The following PDE4B variants were observed in gnomAD, a reference collection of about 807,000 sequenced individuals.
PDE4B encodes 3',5'-cyclic-AMP phosphodiesterase 4B.
A neutral mutation model predicts 82.2 loss-of-function variants in PDE4B; 20 were observed. That is an observed-to-expected ratio of 0.24 (90% CI 0.17 to 0.35). The LOEUF is 0.35. Ranked by LOEUF, PDE4B falls within the 10% of genes least tolerant of loss-of-function variation. The probability of loss-of-function intolerance (pLI) is 1.00; values close to 1 mark genes in which losing one functional copy is unlikely to be tolerated. For synonymous variants in PDE4B, 320 were observed against 318.9 expected, an observed-to-expected ratio of 1.00 and a Z score of -0.04; for missense variants, 655 against 907.2, an observed-to-expected ratio of 0.72 and a Z score of 3.57.
intron 1 of PDE4B, among the ~76,000 whole-genome samples, chr1:65,893,959 A>T (rs970152492): frequency 6.6e-6 from 1 of 152,098 alleles, no homozygotes; most frequent in Admixed American, 6.6e-5. Context: ...ACACAAAGGC[A>T]TAAGAGTGAT....
chr1:65,940,345 A>G (rs1258116602), intron 3 of PDE4B, among the ~76,000 whole-genome samples: 1 of 152,058 alleles, frequency 6.6e-6, no homozygotes, highest in South Asian at 2.1e-4. Flanking sequence ...TTGTAGAGGG[A>G]GGGAGCAATT....
At chr1:66,148,824 A>G (rs1056797144) in intron 3 of PDE4B, among the ~76,000 whole-genome samples, 3 of 152,212 alleles carry the variant, frequency 2.0e-5, no homozygotes, top group Non-Finnish European at 4.4e-5. Context: ...TTCATGTAGC[A>G]TGTACCTGTA....
intron 3 of PDE4B, among the ~76,000 whole-genome samples, chr1:65,988,593 T>C (rs1651074013): frequency 6.6e-6 from 1 of 151,840 alleles, no homozygotes; most frequent in Non-Finnish European, 1.5e-5. Context: ...ATAATTCAAT[T>C]TTATTAATAT....
intron 1 of PDE4B, among the ~76,000 whole-genome samples, chr1:65,796,496 C>T: frequency 6.6e-6 from 1 of 151,908 alleles, no homozygotes; most frequent in Non-Finnish European, 1.5e-5. Flanking sequence ...TCTGTCTTCT[C>T]TACTACAGAG....
At chr1:66,065,111 A>G (rs997360126) in intron 3 of PDE4B, among the ~76,000 whole-genome samples, 1 of 151,976 alleles carries the variant, frequency 6.6e-6, no homozygotes, top group Non-Finnish European at 1.5e-5. Context: ...GCTTAGAGGT[A>G]GATTTATAAA....
intron 1 of PDE4B, among the ~76,000 whole-genome samples, chr1:65,890,186 A>C (rs1158367866): frequency 6.7e-6 from 1 of 149,254 alleles, no homozygotes; most frequent in East Asian, 1.9e-4. Flanking sequence ...TGCTTATTTT[A>C]AAGTTTTAGG....
At chr1:66,009,303 G>T (rs1359460923) in intron 3 of PDE4B, among the ~76,000 whole-genome samples, 1 of 152,162 alleles carries the variant, frequency 6.6e-6, no homozygotes, top group African/African-American at 2.4e-5. Flanking sequence ...ATCACCAGCT[G>T]TCGCTGTTCT....
chr1:66,319,531 A>C (rs1171640942), intron 7 of PDE4B, among the ~76,000 whole-genome samples: 1 of 152,246 alleles, frequency 6.6e-6, no homozygotes, highest in Non-Finnish European at 1.5e-5. Context: ...TTCTGCTACC[A>C]GAGCAATAGC....
rs568355705 is a variant in PDE4B at position 65,858,378 on chromosome 1, A to G, written c.-70-54867A>G. Among the ~76,000 whole-genome samples the G allele has an allele frequency of 2.0e-5, 3 of 152,322 alleles. No individual in the cohort carries two copies. The East Asian group carries it at 5.8e-4, about 29-fold the overall frequency. On this transcript the variant is annotated intron_variant, in intron 1 of 16. Transcript: ENST00000341517. Reference sequence around the variant, plus strand: ...TCTGTAGTTCTAATACTACCATTGTACATACCTGATTTATAATCTTTTTTA... The same window carrying G: ...TCTGTAGTTCTAATACTACCATTGTGCATACCTGATTTATAATCTTTTTTA...
intron 3 of PDE4B, among the ~76,000 whole-genome samples, chr1:66,147,892 C>T (rs1016922694): frequency 1.6e-4 from 24 of 152,144 alleles, no homozygotes; most frequent in African/African-American, 4.8e-4. Flanking sequence ...TAAACCCTAC[C>T]AAGTCTTGCA....
chr1:65,820,406 A>G (rs931908541), intron 1 of PDE4B, among the ~76,000 whole-genome samples: 2 of 152,218 alleles, frequency 1.3e-5, no homozygotes, highest in Non-Finnish European at 2.9e-5. Flanking sequence ...ATCTTGTTTT[A>G]TGGTTAAAAT....
chr1:65,919,439 G>A (rs916019835), intron 3 of PDE4B, among the ~76,000 whole-genome samples: 1 of 152,144 alleles, frequency 6.6e-6, no homozygotes, highest in Non-Finnish European at 1.5e-5. Flanking sequence ...TGTGGTTATT[G>A]TGCCATGACT....
intron 3 of PDE4B, chr1:65,992,855 T>C: frequency 1.3e-6 from 2 of 1,592,158 alleles, no homozygotes; most frequent in Non-Finnish European, 1.7e-6. Context: ...GTGTCTCTGC[T>C]ATGTTTGAGA....
intron 8 of PDE4B, chr1:66,354,641 T>C (rs1480300456): frequency 2.2e-6 from 3 of 1,383,854 alleles, no homozygotes; most frequent in Non-Finnish European, 2.8e-6. Context: ...GCAGGGAGCA[T>C]AGGCTTCTTG....
At chr1:65,989,283 A>T in intron 3 of PDE4B, among the ~76,000 whole-genome samples, 1 of 152,040 alleles carries the variant, frequency 6.6e-6, no homozygotes, top group Admixed American at 6.6e-5. Context: ...GGCAGATTAC[A>T]TGAGGCCAGG....
intron 3 of PDE4B, among the ~76,000 whole-genome samples, chr1:66,098,696 T>G (rs889404844): frequency 6.6e-6 from 1 of 152,144 alleles, no homozygotes; most frequent in African/African-American, 2.4e-5. Flanking sequence ...AAAGAAAGTC[T>G]AAAGACTATA....
chr1:66,064,138 G>A (rs1500963), intron 3 of PDE4B, among the ~76,000 whole-genome samples: 17,599 of 151,890 alleles, frequency 0.12, 1,186 homozygotes, highest in South Asian at 0.22. Context: ...TATATTTTAG[G>A]TTTCGCTCAA....
chr1:66,291,215 A>G (rs1190992752), intron 7 of PDE4B, among the ~76,000 whole-genome samples: 1 of 152,152 alleles, frequency 6.6e-6, no homozygotes, highest in Non-Finnish European at 1.5e-5. Flanking sequence ...AACCAGTGAG[A>G]TAGGAATCCT....
chr1:66,145,243 A>G (rs948490532), intron 3 of PDE4B, among the ~76,000 whole-genome samples: 6 of 152,178 alleles, frequency 3.9e-5, no homozygotes, highest in African/African-American at 1.2e-4. Flanking sequence ...GCTGTGTATC[A>G]CTGCAAAAGG....
Sources: gnomAD v4.1 joint callset for allele counts (sites outside exome capture counted in the v4.1 genomes callset) on GRCh38, gnomAD v4.1.1 for gene constraint, MANE v1.5 for transcripts, NCBI Gene and HGNC (gene_info 2026-07-23, HGNC 2026-07-21) for gene names.